Variants in FAM149B1 observed in about 807,000 individuals in gnomAD.
The protein encoded by FAM149B1 is family with sequence similarity 149 member B1.
A neutral mutation model predicts 75.3 loss-of-function variants in FAM149B1; 56 were observed. The observed-to-expected ratio is 0.74, with a 90% CI of 0.60 to 0.93. The LOEUF is 0.93. Among genes scored for constraint, FAM149B1 ranks in the 40% least tolerant of loss-of-function variants. The pLI, the probability that FAM149B1 is intolerant of heterozygous loss-of-function variation, is 0.00. For missense variants in FAM149B1, 639 were observed against 708.4 expected (o/e 0.90, Z 1.11); for synonymous variants, 259 against 256.1 (o/e 1.01, Z -0.11).
chr10:73,192,796 A>T (rs916974124), intron 4 of FAM149B1, 98 bp downstream of exon 4: 2 of 1,118,408 alleles, frequency 1.8e-6, no homozygotes, highest in Non-Finnish European at 1.2e-6. Flanking sequence ...CTTTATGAGC[A>T]TGACTTTAAT....
At chr10:73,187,250 C>T (rs1228869727) in intron 3 of FAM149B1, among the ~76,000 whole-genome samples, 2 of 151,866 alleles carry the variant, frequency 1.3e-5, no homozygotes, top group Non-Finnish European at 2.9e-5. Context: ...AATTGGAAGA[C>T]AAAATATTAA....
In FAM149B1 at chr10:73,168,241, G is replaced by T; in HGVS notation, c.-99G>T. The T allele has an allele frequency of 7.4e-7, 1 of 1,353,562 alleles. No individual in the cohort carries two copies. The highest frequency in any genetic ancestry group is 2.6e-5 in the East Asian group (1 of 38,338). The allele number at this position is 1,353,562 out of a possible 1,614,324, so 83.8% of individuals were successfully genotyped here. A position where few individuals can be genotyped will look rare whatever the true frequency, so the allele number is the denominator to read the frequency against. ...GGGCCGGTAGGTGGCGGGAGGGGCC[G>T]GGCCGGAGCCGGCGGGAGGGCCAGG... is the stretch of plus-strand genomic sequence containing the variant. On this transcript the variant is annotated 5_prime_UTR_variant, in exon 1 of 14. Coordinates refer to ENST00000242505, the MANE Select transcript of FAM149B1 (RefSeq NM_173348.2).
chr10:73,175,256 G>T (rs1327672023), intron 2 of FAM149B1, among the ~76,000 whole-genome samples: 1 of 152,168 alleles, frequency 6.6e-6, no homozygotes, highest in Admixed American at 6.6e-5. Flanking sequence ...TGTGGTCCCA[G>T]CTACTACAGA....
intron 7 of FAM149B1, among the ~76,000 whole-genome samples, chr10:73,216,646 T>A (rs974654689): frequency 6.6e-6 from 1 of 152,158 alleles, no homozygotes; most frequent in Non-Finnish European, 1.5e-5. Context: ...CAGCAGCCTA[T>A]ACCAGGGAAT....
intron 5 of FAM149B1, among the ~76,000 whole-genome samples, chr10:73,198,785 G>A (rs1298761734): frequency 2.0e-5 from 3 of 152,042 alleles, no homozygotes; most frequent in Non-Finnish European, 4.4e-5. Flanking sequence ...AGCCTGGGCG[G>A]CAAGAGTGAA....
chr10:73,202,325 C>T (rs1308113142), intron 5 of FAM149B1, among the ~76,000 whole-genome samples: 1 of 151,814 alleles, frequency 6.6e-6, no homozygotes, highest in East Asian at 1.9e-4. Context: ...GTTAGAAATT[C>T]CTATTTATTT....
intron 2 of FAM149B1, among the ~76,000 whole-genome samples, chr10:73,175,234 G>A (rs964536021): frequency 2.0e-5 from 3 of 152,100 alleles, no homozygotes; most frequent in Admixed American, 6.6e-5. Context: ...GCCAAGTGTG[G>A]GGATGTGCAC....
At chr10:73,230,247 C>G in intron 8 of FAM149B1, 175 bp from the exon 9 acceptor site, 1 of 537,064 alleles carries the variant, frequency 1.9e-6, no homozygotes, top group Non-Finnish European at 3.4e-6. Flanking sequence ...GGGACCCTAT[C>G]ACATGGACAG....
intron 5 of FAM149B1, 76 bp from the exon 6 acceptor site, chr10:73,208,543 A>C (rs1210549093): frequency 1.4e-5 from 15 of 1,109,316 alleles, no homozygotes; most frequent in Admixed American, 2.8e-5. Flanking sequence ...TTTGAGCCAA[A>C]ACTCATGTAA....
At position 73,243,320 on chromosome 10, in the gene FAM149B1, T is replaced by G. The variant is rs2043974577; in HGVS notation, c.*2301T>G. ...ACCTTTTCTCAAGAGCTGAATTGAC[T>G]TTTGCCTTCAAATCCTGCCTGCACC... On this transcript the variant is annotated 3_prime_UTR_variant, in exon 14 of 14. Coordinates refer to ENST00000242505, the MANE Select transcript of FAM149B1 (RefSeq NM_173348.2). The G allele has an allele frequency of 6.5e-7, 1 of 1,538,072 alleles. No homozygotes were observed. The highest frequency in any genetic ancestry group is 1.4e-5 in the African/African-American group (1 of 72,916).
chr10:73,243,887 A>T lies in FAM149B1; in HGVS notation c.*2868A>T. ...CTATCCACGCCTTCATCAAGCCCCA[A>T]CTCCTTTCTGCTCATTTCTGCTTCT... On this transcript the variant is annotated 3_prime_UTR_variant, in exon 14 of 14. Coordinates refer to ENST00000242505, the MANE Select transcript of FAM149B1 (RefSeq NM_173348.2). 1 of 1,613,996 alleles carries T rather than the reference A, an allele frequency of 6.2e-7. No individual in the cohort carries two copies. The highest frequency in any genetic ancestry group is 8.5e-7 in the Non-Finnish European group (1 of 1,179,996).
At chr10:73,233,448 C>T (rs954285804) in intron 10 of FAM149B1, among the ~76,000 whole-genome samples, 1 of 152,068 alleles carries the variant, frequency 6.6e-6, no homozygotes, top group Non-Finnish European at 1.5e-5. Context: ...AAGTGGTTCT[C>T]CCACCCCAGC....
chr10:73,197,088 T>C (rs2042820343), intron 5 of FAM149B1, among the ~76,000 whole-genome samples: 1 of 152,122 alleles, frequency 6.6e-6, no homozygotes, highest in Admixed American at 6.6e-5. Context: ...ACTGCAGCCT[T>C]GACCTCCTGG....
chr10:73,225,753 CATG>C (rs1419024748), intron 7 of FAM149B1, among the ~76,000 whole-genome samples: 2 of 152,228 alleles, frequency 1.3e-5, no homozygotes, highest in Admixed American at 6.5e-5. Flanking sequence ...AAGCTCCATT[CATG>C]ATAAGTACCC....
At chr10:73,216,278 T>C (rs966062926) in intron 7 of FAM149B1, among the ~76,000 whole-genome samples, 1 of 152,232 alleles carries the variant, frequency 6.6e-6, no homozygotes, top group African/African-American at 2.4e-5. Flanking sequence ...TACTTTAGTT[T>C]TTGTGTCTTT....
At chr10:73,176,798 A>G (rs2133302366) in intron 2 of FAM149B1, among the ~76,000 whole-genome samples, 1 of 152,174 alleles carries the variant, frequency 6.6e-6, no homozygotes, top group South Asian at 2.1e-4. Context: ...AGGCCGATGT[A>G]GGCGGATCAC....
Position 73,190,478 on chromosome 10 carries a change from CA to C in FAM149B1, c.283-2075del, listed in dbSNP as rs377748492. ...GTCGGCCACCATCGCCAGCTTTGGA[CA>C]AATTAAAAAACAAAAAACAAAAAAA... On this transcript the variant is annotated intron_variant, in intron 3 of 13. Coordinates refer to ENST00000242505, the MANE Select transcript of FAM149B1 (RefSeq NM_173348.2). Among the ~76,000 whole-genome samples the C allele has an allele frequency of 2.1e-3, 300 of 144,464 alleles. 3 individuals carry two copies. Among genetic ancestry groups the C allele is most frequent in the African/African-American group, 7.2e-3 (282 of 39,338 alleles). 94.8% of individuals were successfully genotyped at this position (144,464 alleles called of 152,430 possible). A position where few individuals can be genotyped will look rare whatever the true frequency, so the allele number is the denominator to read the frequency against.
chr10:73,170,306 CA>C (rs1843657419), intron 1 of FAM149B1, among the ~76,000 whole-genome samples: 1 of 152,070 alleles, frequency 6.6e-6, no homozygotes, highest in South Asian at 2.1e-4. Flanking sequence ...AGTTCAAAAC[CA>C]GCCTGGGCAA....
At chr10:73,168,554 A>G (rs1184609095) in intron 1 of FAM149B1, among the ~76,000 whole-genome samples, 168 bp downstream of exon 1, 2 of 149,178 alleles carry the variant, frequency 1.3e-5, no homozygotes, top group African/African-American at 5.0e-5. Flanking sequence ...CTCCATCTCC[A>G]GCTGAGGGCG....
Sources: gnomAD v4.1 joint callset for allele counts (sites outside exome capture counted in the v4.1 genomes callset) on GRCh38, gnomAD v4.1.1 for gene constraint, MANE v1.5 for transcripts, NCBI Gene and HGNC (gene_info 2026-07-23, HGNC 2026-07-21) for gene names.